SORBS2: variants seen among roughly 807,000 people sequenced by gnomAD.
SORBS2 encodes sorbin and SH3 domain-containing protein 2.
SORBS2 carries 46 observed loss-of-function variants against 97.7 expected under a neutral mutation model. That is an observed-to-expected ratio of 0.47 (90% CI 0.37 to 0.60). The LOEUF (loss-of-function observed/expected upper bound fraction) is 0.60, where lower values mean the gene tolerates loss of function less well. Ranked by LOEUF, SORBS2 falls within the 20% of genes least tolerant of loss-of-function variation. SORBS2 has a pLI of 0.00. For missense variants in SORBS2, 1,316 were observed against 1,282.3 expected, an observed-to-expected ratio of 1.03 and a Z score of -0.40; for synonymous variants, 476 against 473.4, an observed-to-expected ratio of 1.01 and a Z score of -0.07.
Position 185,785,338 on chromosome 4 carries a change from TAAAC to T in SORBS2, c.-337-9976_-337-9973del, listed in dbSNP as rs1218348410. On this transcript the variant is annotated intron_variant, in intron 1 of 20. Coordinates refer to the SORBS2 transcript ENST00000284776. ...TAGGCGGCCGGTGAATTTTCAGAGT[TAAAC>T]AAAGTTAAAAATACACAGGCAACAT... Among the ~76,000 whole-genome samples the T allele has an allele frequency of 2.0e-5, 3 of 152,252 alleles. No homozygotes were observed. In the East Asian group the frequency reaches 5.8e-4, roughly 29 times the overall value.
chr4:185,678,867 A>C (rs1054756068), intron 2 of SORBS2, 45 bp from the exon 6 acceptor site: 1 of 1,190,938 alleles, frequency 8.4e-7, no homozygotes, highest in African/African-American at 1.6e-5. Context: ...GGTGAAATAA[A>C]TGAACAACCC....
chr4:185,712,335 G>A (rs969320850), intron 2 of SORBS2, among the ~76,000 whole-genome samples: 1 of 152,130 alleles, frequency 6.6e-6, no homozygotes, highest in African/African-American at 2.4e-5. Flanking sequence ...GGATTCAAGG[G>A]GAAGACTACC....
chr4:185,925,860 GAACT>G (rs1475885297), intron 1 of SORBS2, among the ~76,000 whole-genome samples: 1 of 152,210 alleles, frequency 6.6e-6, no homozygotes, highest in African/African-American at 2.4e-5. Context: ...CTATAAGAAA[GAACT>G]AACTAGGGAC....
At chr4:185,814,704 A>T (rs977857628) in intron 1 of SORBS2, among the ~76,000 whole-genome samples, 7 of 152,252 alleles carry the variant, frequency 4.6e-5, no homozygotes, top group Non-Finnish European at 8.8e-5. Context: ...GTTTGCACTG[A>T]ACCGGAACTG....
At chr4:185,742,692 A>T (rs960135786) in intron 2 of SORBS2, among the ~76,000 whole-genome samples, 2 of 152,262 alleles carry the variant, frequency 1.3e-5, no homozygotes, top group African/African-American at 4.8e-5. Flanking sequence ...TAACTAAATG[A>T]GGTGAGAATC....
At chr4:185,848,727 C>T (rs1330457639) in intron 1 of SORBS2, among the ~76,000 whole-genome samples, 1 of 146,920 alleles carries the variant, frequency 6.8e-6, no homozygotes, top group Non-Finnish European at 1.5e-5. Context: ...ATCCCCCTAC[C>T]TCAGCCTCCC....
At chr4:185,731,580 C>A (rs2098630035) in intron 2 of SORBS2, among the ~76,000 whole-genome samples, 1 of 124,934 alleles carries the variant, frequency 8.0e-6, no homozygotes, top group African/African-American at 3.4e-5. Flanking sequence ...CTCTCCTTCC[C>A]TCTCTCCCTC....
intron 1 of SORBS2, among the ~76,000 whole-genome samples, chr4:185,836,114 T>C (rs895183103): frequency 1.4e-4 from 22 of 152,098 alleles, no homozygotes; most frequent in Non-Finnish European, 1.8e-4. Context: ...TGGTGCTGAT[T>C]AAAAGGTTTA....
chr4:185,755,820 C>T (rs2098827532), intron 2 of SORBS2, among the ~76,000 whole-genome samples: 1 of 151,604 alleles, frequency 6.6e-6, no homozygotes, highest in Non-Finnish European at 1.5e-5. Flanking sequence ...TTACATTCCT[C>T]ATATCTCACT....
chr4:185,661,457 T>C (rs1035986532), upstream of SORBS2, among the ~76,000 whole-genome samples: 7 of 152,172 alleles, frequency 4.6e-5, no homozygotes, highest in Non-Finnish European at 7.3e-5. Context: ...GTCCATTTGT[T>C]TTCTGGAGGA....
intron 1 of SORBS2, among the ~76,000 whole-genome samples, chr4:185,920,865 C>G (rs776768237): frequency 2.0e-5 from 3 of 152,286 alleles, no homozygotes; most frequent in Non-Finnish European, 2.9e-5. Context: ...CAAAAGTCAT[C>G]TGTACAAATT....
At chr4:185,810,249 A>G (rs1320103610) in intron 1 of SORBS2, among the ~76,000 whole-genome samples, 1 of 152,224 alleles carries the variant, frequency 6.6e-6, no homozygotes, top group Non-Finnish European at 1.5e-5. Flanking sequence ...GACATTTAGA[A>G]CAAAAGTTTG....
At chr4:185,648,234 C>CACACCA (rs2097249707) in intron 3 of SORBS2, among the ~76,000 whole-genome samples, 1 of 152,104 alleles carries the variant, frequency 6.6e-6, no homozygotes, top group Non-Finnish European at 1.5e-5. Context: ...AATGCTGGGA[C>CACACCA]TGGCTGGGTG....
intron 9 of SORBS2, 84 bp from the exon 22 acceptor site, chr4:185,615,243 T>C (rs2096610111): frequency 4.9e-6 from 4 of 823,006 alleles, no homozygotes; most frequent in Middle Eastern, 6.1e-4. Flanking sequence ...TCTGCATTTG[T>C]TTGGCAAATA....
chr4:185,741,264 A>G lies in SORBS2; in HGVS notation c.-198+33963T>C, dbSNP rs780218071. Among the ~76,000 whole-genome samples the G allele has an allele frequency of 4.0e-5, 6 of 151,834 alleles. No homozygotes were observed. In the South Asian group the frequency reaches 1.2e-3, roughly 32 times the overall value. ...GAAAGGGCAAGAGGACTCAAGTAGA[A>G]GAAAGGCAGAGAGAATAACAGAGGG... is the stretch of plus-strand genomic sequence containing the variant. On this transcript the variant is annotated intron_variant, in intron 2 of 20. Coordinates refer to the SORBS2 transcript ENST00000284776.
rs541798147 is a variant in SORBS2 at position 185,866,206 on chromosome 4, C to A, written c.-338+89990G>T. On this transcript the variant is annotated intron_variant, in intron 1 of 20. Coordinates refer to the SORBS2 transcript ENST00000284776. ...GAGTGGCCGGGGTTGCTAGCGTTCCCTGAGTACCAGTGCTGAGATTAAATG... is the reference window on the plus strand; with the variant it reads ...GAGTGGCCGGGGTTGCTAGCGTTCCATGAGTACCAGTGCTGAGATTAAATG... 2.0e-5 allele frequency among the ~76,000 whole-genome samples: 3 copies of A among 152,304 alleles called. No individual in the cohort carries two copies. In the East Asian group the frequency reaches 5.8e-4, roughly 29 times the overall value.
intron 2 of SORBS2, among the ~76,000 whole-genome samples, chr4:185,729,992 G>A (rs554879999): frequency 1.3e-5 from 2 of 151,174 alleles, no homozygotes; most frequent in African/African-American, 2.4e-5. Flanking sequence ...TTGCTCTATC[G>A]CCCAGACTGG....
intron 1 of SORBS2, among the ~76,000 whole-genome samples, chr4:185,944,861 T>G (rs1488557803): frequency 6.6e-6 from 1 of 152,010 alleles, no homozygotes; most frequent in East Asian, 1.9e-4. Flanking sequence ...AGTGCAAGAT[T>G]AGCATCGCTA....
At chr4:185,761,013 A>G (rs2153610264) in intron 2 of SORBS2, among the ~76,000 whole-genome samples, 1 of 152,366 alleles carries the variant, frequency 6.6e-6, no homozygotes, top group East Asian at 1.9e-4. Context: ...TCAGACACAC[A>G]TATACTTGTG....
Sources: allele counts gnomAD v4.1 joint callset (sites outside exome capture counted in the v4.1 genomes callset), GRCh38; gene constraint gnomAD v4.1.1; transcripts MANE v1.5; gene names NCBI Gene and HGNC (gene_info 2026-07-23, HGNC 2026-07-21).